MOB1B: variants seen among roughly 807,000 people sequenced by gnomAD.
MOB1B encodes the protein MOB kinase activator 1B, also known as MOB1 Mps One Binder homolog B.
In MOB1B, 19 loss-of-function variants were observed where a neutral mutation model predicts 24.4. The observed-to-expected ratio is 0.78, with a 90% CI of 0.54 to 1.14. The LOEUF is 1.14. MOB1B is among the 50% of genes most tolerant of loss of function. MOB1B has a pLI of 0.00. For missense variants in MOB1B, 243 were observed against 259.6 expected, an observed-to-expected ratio of 0.94 and a Z score of 0.44; for synonymous variants, 76 against 82.1, an observed-to-expected ratio of 0.93 and a Z score of 0.40.
chr4:70,963,393 C>T lies in MOB1B; in HGVS notation c.181+4353C>T, dbSNP rs563478218. On this transcript the variant is annotated intron_variant, in intron 2 of 5. Coordinates refer to ENST00000309395, the MANE Select transcript of MOB1B (RefSeq NM_173468.4). Reference sequence around the variant, plus strand: ...TGAAATAAAATAGAATTAATAAAAACGTAAGGAGAGAAGAAGAATCATACA... The same window carrying T: ...TGAAATAAAATAGAATTAATAAAAATGTAAGGAGAGAAGAAGAATCATACA... 2.0e-4 allele frequency among the ~76,000 whole-genome samples: 31 copies of T among 151,780 alleles called. 1 individual carries two copies. In the South Asian group the frequency reaches 4.8e-3, roughly 23 times the overall value.
At chr4:70,952,336 T>C (rs1737841777) in intron 1 of MOB1B, among the ~76,000 whole-genome samples, 2 of 152,074 alleles carry the variant, frequency 1.3e-5, no homozygotes, top group Non-Finnish European at 2.9e-5. Flanking sequence ...AAGTACACTA[T>C]GCTACTGTGT....
At chr4:70,928,777 G>A (rs776275550) in intron 1 of MOB1B, among the ~76,000 whole-genome samples, 3 of 152,036 alleles carry the variant, frequency 2.0e-5, no homozygotes, top group Non-Finnish European at 4.4e-5. Context: ...TAATAGACAC[G>A]GGGTCTTGCT....
chr4:70,972,964 G>A (rs949156787), intron 3 of MOB1B, among the ~76,000 whole-genome samples: 1 of 151,816 alleles, frequency 6.6e-6, no homozygotes, highest in Non-Finnish European at 1.5e-5. Context: ...TAGTAGAGAC[G>A]GGGTTTCACT....
intron 1 of MOB1B, among the ~76,000 whole-genome samples, chr4:70,940,156 A>T (rs1050754450): frequency 2.6e-5 from 4 of 151,354 alleles, no homozygotes; most frequent in Non-Finnish European, 4.4e-5. Context: ...CTCTCCTGTT[A>T]GGGTCTCGGG....
intron 1 of MOB1B, among the ~76,000 whole-genome samples, chr4:70,912,835 A>G (rs1049490227): frequency 6.6e-6 from 1 of 152,026 alleles, no homozygotes; most frequent in African/African-American, 2.4e-5. Flanking sequence ...ATCTCGACTC[A>G]CTGCAGCCTC....
Position 70,958,952 on chromosome 4 carries a change from C to T in MOB1B, c.93C>T (p.His31=), listed in dbSNP as rs372097518. Residue 31 remains histidine (H), a synonymous_variant, in exon 2 of 6, where the codon CAC becomes CAT. Transcript: ENST00000309395. ...EGSHQYELLK[H]AEATLGSGNL... is the part of the protein sequence containing the mutation. The stretch of plus-strand genomic sequence containing the variant: ...CTCACCAGTATGAGCTCTTAAAACA[C>T]GCAGAAGCCACACTTGGCAGTGGCA... The T allele has an allele frequency of 1.7e-5, 27 of 1,613,846 alleles. No homozygotes were observed. Among genetic ancestry groups the T allele is most frequent in the African/African-American group, 4.0e-5 (3 of 74,876 alleles).
intron 3 of MOB1B, 105 bp from the exon 4 acceptor site, chr4:70,975,048 T>C: frequency 1.2e-6 from 1 of 846,908 alleles, no homozygotes; most frequent in Non-Finnish European, 1.6e-6. Flanking sequence ...AGCAGAGTGT[T>C]GAAAACATGT....
chr4:70,929,951 C>G (rs1467741512), intron 1 of MOB1B, among the ~76,000 whole-genome samples: 1 of 152,080 alleles, frequency 6.6e-6, no homozygotes, highest in Non-Finnish European at 1.5e-5. Flanking sequence ...GACAGCGTCT[C>G]CCTATGTTGC....
In MOB1B at chr4:70,908,330, CT is replaced by C. The variant is rs1214043788; in HGVS notation, c.14+5796del. 5.8e-3 allele frequency among the ~76,000 whole-genome samples: 766 copies of C among 132,114 alleles called. 3 individuals are homozygous for C. Among genetic ancestry groups the C allele is most frequent in the African/African-American group, 7.4e-3 (268 of 36,308 alleles). 86.7% of individuals were successfully genotyped at this position (132,114 alleles called of 152,430 possible). ...GGCATGAGCCACTGTGCCCGGCCCT[CT>C]TTTTTTTTTTTTTTTAAATGTCAAC... On this transcript the variant is annotated intron_variant, in intron 1 of 5. Transcript: ENST00000309395.
At chr4:70,906,439 A>G (rs538596304) in intron 1 of MOB1B, among the ~76,000 whole-genome samples, 45 of 152,312 alleles carry the variant, frequency 3.0e-4, no homozygotes, top group African/African-American at 1.1e-3. Flanking sequence ...TTGTGACAAG[A>G]GAGAAAAAAA....
At chr4:70,946,081 G>GT (rs1560648567) in intron 1 of MOB1B, among the ~76,000 whole-genome samples, 3 of 85,180 alleles carry the variant, frequency 3.5e-5, no homozygotes, top group Non-Finnish European at 4.8e-5. Flanking sequence ...GTTTTTGTTT[G>GT]TTCTTTTTTT....
At chr4:70,919,987 C>T (rs1276034584) in intron 1 of MOB1B, among the ~76,000 whole-genome samples, 1 of 152,136 alleles carries the variant, frequency 6.6e-6, no homozygotes, top group East Asian at 1.9e-4. Context: ...AAAGAAACAG[C>T]TTATGACCCT....
At chr4:70,967,195 G>A (rs567238474) in intron 2 of MOB1B, among the ~76,000 whole-genome samples, 50 of 151,090 alleles carry the variant, frequency 3.3e-4, no homozygotes, top group Non-Finnish European at 5.7e-4. Context: ...GTGCAGTGGC[G>A]TGATCTCAGC....
chr4:70,911,076 G>A (rs1283209928), intron 1 of MOB1B, among the ~76,000 whole-genome samples: 1 of 152,140 alleles, frequency 6.6e-6, no homozygotes, highest in Admixed American at 6.5e-5. Context: ...GTGAGCCACC[G>A]CGCCCTGCTA....
At chr4:70,915,877 C>G (rs1736174086) in intron 1 of MOB1B, among the ~76,000 whole-genome samples, 1 of 151,998 alleles carries the variant, frequency 6.6e-6, no homozygotes, top group African/African-American at 2.4e-5. Flanking sequence ...TCACCTGGAA[C>G]TGGCTGGAAC....
intron 5 of MOB1B, among the ~76,000 whole-genome samples, chr4:70,980,018 A>AG (rs1353690409): frequency 6.6e-6 from 1 of 152,224 alleles, no homozygotes; most frequent in Admixed American, 6.5e-5. Flanking sequence ...GAGGTTGAGA[A>AG]GGGGAGATGG....
chr4:70,916,974 C>A (rs1244967101), intron 1 of MOB1B, among the ~76,000 whole-genome samples: 2 of 152,200 alleles, frequency 1.3e-5, no homozygotes, highest in African/African-American at 4.8e-5. Context: ...TTATAACTTT[C>A]ACAGGAGAAT....
chr4:70,956,792 C>T (rs1484955557), intron 1 of MOB1B, among the ~76,000 whole-genome samples: 1 of 152,108 alleles, frequency 6.6e-6, no homozygotes, highest in East Asian at 1.9e-4. Flanking sequence ...TTATGAGGAA[C>T]ATCGGTTTAA....
intron 1 of MOB1B, among the ~76,000 whole-genome samples, chr4:70,952,651 A>C (rs1255036242): frequency 5.3e-5 from 8 of 151,444 alleles, no homozygotes; most frequent in Non-Finnish European, 8.8e-5. Flanking sequence ...TCAAAAAAAA[A>C]AAAAAAAACA....
Sources: allele counts gnomAD v4.1 joint callset (sites outside exome capture counted in the v4.1 genomes callset), GRCh38; gene constraint gnomAD v4.1.1; transcripts MANE v1.5; gene names NCBI Gene and HGNC (gene_info 2026-07-23, HGNC 2026-07-21).